Variants in NAA16 observed in about 807,000 individuals in gnomAD.
NAA16 encodes NARG1-like protein.
NAA16 carries 97 observed loss-of-function variants against 110.3 expected under a neutral mutation model. The observed-to-expected ratio is 0.88, with a 90% CI of 0.75 to 1.04. The LOEUF (loss-of-function observed/expected upper bound fraction) is 1.04, where lower values mean the gene tolerates loss of function less well. NAA16 is among the 50% of genes least tolerant of loss of function. NAA16 has a pLI of 0.00. For synonymous variants in NAA16, 372 were observed against 330.6 expected (o/e 1.13, Z -1.36); for missense variants, 1,017 against 1,005.1 (o/e 1.01, Z -0.16).
intron 12 of NAA16, among the ~76,000 whole-genome samples, chr13:41,361,267 G>A (rs2043106951): frequency 6.6e-6 from 1 of 152,198 alleles, no homozygotes; most frequent in Non-Finnish European, 1.5e-5. Context: ...TAAAGTAGAA[G>A]AGTTGTCATG....
intron 6 of NAA16, 36 bp downstream of exon 6, chr13:41,325,887 A>G: frequency 6.5e-7 from 1 of 1,534,932 alleles, no homozygotes; most frequent in Non-Finnish European, 8.8e-7. Context: ...AGCCTCAAAC[A>G]GAAAACAAAA....
chr13:41,362,991 T>A, intron 13 of NAA16: 1 of 706,906 alleles, frequency 1.4e-6, no homozygotes, highest in Non-Finnish European at 1.8e-6. Context: ...GGACTGGAAC[T>A]AGAATTATAC....
Position 41,373,728 on chromosome 13 carries a change from T to G in NAA16, c.2247T>G (p.Phe749Leu). ...TTGTCAAAAAGGATTTGGAAAGTTT[T>G]AATGAGGATTTTCTGAAACGTAACG... ...KIFVKKDLES[F>L]NEDFLKRNAT... The change falls in exon 18 of 20, where the codon TTT (phenylalanine) becomes TTG (leucine). Residue 749 changes from phenylalanine (F) to leucine (L), a missense_variant. Phe to Leu is a conservative substitution (Grantham distance 22). Transcript: ENST00000379406. The G allele has an allele frequency of 6.2e-7, 1 of 1,611,762 alleles. No homozygotes were observed. The highest frequency in any genetic ancestry group is 8.5e-7 in the Non-Finnish European group (1 of 1,179,250).
chr13:41,326,977 A>G (rs1157402046), intron 6 of NAA16, among the ~76,000 whole-genome samples: 1 of 152,096 alleles, frequency 6.6e-6, no homozygotes, highest in Non-Finnish European at 1.5e-5. Context: ...TACCCTCTAC[A>G]TAGTTTTGCC....
chr13:41,338,105 C>G (rs554200232), intron 9 of NAA16, among the ~76,000 whole-genome samples: 1 of 152,258 alleles, frequency 6.6e-6, no homozygotes, highest in African/African-American at 2.4e-5. Context: ...AATAATTTCT[C>G]TAGATTATTT....
chr13:41,362,711 G>C (rs1225887218), intron 13 of NAA16: 21 of 1,289,536 alleles, frequency 1.6e-5, no homozygotes, highest in Admixed American at 2.3e-5. Flanking sequence ...TTGTTTTCCT[G>C]TTCTTTGTCA....
At position 41,320,825 on chromosome 13, in the gene NAA16, G is replaced by A; in HGVS notation, c.402+1G>A. 1 of 1,590,142 alleles carries A rather than the reference G, an allele frequency of 6.3e-7. No homozygotes were observed. Among genetic ancestry groups the A allele is most frequent in the Non-Finnish European group, 8.5e-7 (1 of 1,172,402 alleles). On this transcript the variant is annotated splice_donor_variant, in intron 4 of 19. Transcript: ENST00000379406. LOFTEE classifies it high-confidence loss of function. ...AATGAGAGACCTTGAAGGTTACCGAGTAAGTACTTCATTCTTAAATGTACA... is the reference window on the plus strand; with the variant it reads ...AATGAGAGACCTTGAAGGTTACCGAATAAGTACTTCATTCTTAAATGTACA...
chr13:41,372,157 T>G, intron 15 of NAA16, 46 bp from the exon 16 acceptor site: 1 of 1,396,974 alleles, frequency 7.2e-7, no homozygotes, highest in South Asian at 1.5e-5. Context: ...GAAATTTGAC[T>G]TGTTCTGATG....
rs143052897 is a variant in NAA16, at chr13:41,375,541, A to G, written c.2534A>G (p.Asp845Gly). 7.4e-6 allele frequency: 12 copies of G among 1,614,024 alleles called. No individual in the cohort carries two copies. In the African/African-American group the frequency reaches 1.6e-4, roughly 22 times the overall value. ...SAFLPAVNEV[D>G]NPNVALNHTA... ...TTCTTGCCTGCTGTGAATGAAGTCG[A>G]CAATCCTAATGTGGCACTGAACCAT... is the stretch of plus-strand genomic sequence containing the variant. Residue 845 changes from aspartate to glycine, a missense_variant, in exon 20 of 20, where the codon GAC (aspartate) becomes GGC (glycine). Coordinates refer to ENST00000379406, the MANE Select transcript of NAA16 (RefSeq NM_024561.5).
At chr13:41,361,055 T>G (rs995926907) in intron 12 of NAA16, among the ~76,000 whole-genome samples, 5 of 152,242 alleles carry the variant, frequency 3.3e-5, no homozygotes, top group African/African-American at 1.2e-4. Flanking sequence ...TGAAATCATT[T>G]ATATAAGTGT....
At chr13:41,357,023 G>T (rs1593506698) in intron 10 of NAA16, among the ~76,000 whole-genome samples, 1 of 152,126 alleles carries the variant, frequency 6.6e-6, no homozygotes, top group East Asian at 1.9e-4. Context: ...TCATTAAAAA[G>T]GTCCATGACG....
intron 9 of NAA16, among the ~76,000 whole-genome samples, chr13:41,340,063 TAA>T: frequency 6.6e-6 from 1 of 152,278 alleles, no homozygotes. Context: ...AAAATATTAC[TAA>T]AAATATATTT....
At chr13:41,322,776 C>CA (rs538068302) in intron 4 of NAA16, among the ~76,000 whole-genome samples, 2,182 of 141,614 alleles carry the variant, frequency 0.015, 23 homozygotes, top group Middle Eastern at 0.043. Flanking sequence ...ATTTAGTTAC[C>CA]AAAAAAAAAA....
At chr13:41,349,304 G>C (rs540185954) in intron 9 of NAA16, among the ~76,000 whole-genome samples, 2 of 151,986 alleles carry the variant, frequency 1.3e-5, no homozygotes, top group Non-Finnish European at 1.5e-5. Context: ...TACTACCTCA[G>C]CCTCCCAAGT....
At chr13:41,348,982 C>A (rs984221820) in intron 9 of NAA16, among the ~76,000 whole-genome samples, 1 of 152,136 alleles carries the variant, frequency 6.6e-6, no homozygotes, top group South Asian at 2.1e-4. Context: ...TCCCCTCTTA[C>A]TGTTTTTGGT....
intron 1 of NAA16, 86 bp downstream of exon 1, chr13:41,311,668 G>A: frequency 1.8e-5 from 22 of 1,196,446 alleles, no homozygotes; most frequent in Non-Finnish European, 2.6e-5. Context: ...GGCCGGCGCG[G>A]GCCAGGCTTG....
At chr13:41,314,597 A>G (rs566332804) in intron 1 of NAA16, among the ~76,000 whole-genome samples, 2 of 152,280 alleles carry the variant, frequency 1.3e-5, no homozygotes, top group East Asian at 3.9e-4. Flanking sequence ...AGGCTTAAAG[A>G]TGGTCTCATC....
At chr13:41,322,454 T>C (rs1284901053) in intron 4 of NAA16, among the ~76,000 whole-genome samples, 3 of 151,868 alleles carry the variant, frequency 2.0e-5, no homozygotes, top group African/African-American at 7.3e-5. Context: ...GATTAGAAAA[T>C]CTTGGGATTT....
intron 9 of NAA16, among the ~76,000 whole-genome samples, chr13:41,343,760 C>A (rs576920006): frequency 1.7e-4 from 26 of 152,292 alleles, no homozygotes; most frequent in Middle Eastern, 3.4e-3. Context: ...AGGCTGGTCT[C>A]GAACTCCTGA....
Sources: gnomAD v4.1 joint callset for allele counts (sites outside exome capture counted in the v4.1 genomes callset) on GRCh38, gnomAD v4.1.1 for gene constraint, MANE v1.5 for transcripts, NCBI Gene and HGNC (gene_info 2026-07-23, HGNC 2026-07-21) for gene names.